CNTNAP2: variants seen among roughly 807,000 people sequenced by gnomAD.
CNTNAP2 encodes contactin-associated protein-like 2.
CNTNAP2 carries 98 observed loss-of-function variants against 155.2 expected under a neutral mutation model. The observed-to-expected ratio is 0.63, with a 90% CI of 0.54 to 0.75. CNTNAP2 has a LOEUF of 0.75. Among genes scored for constraint, CNTNAP2 ranks in the 30% least tolerant of loss-of-function variants. The pLI is 0.00. For synonymous variants in CNTNAP2, 651 were observed against 631.2 expected (o/e 1.03, Z -0.47); for missense variants, 1,727 against 1,688.1 (o/e 1.02, Z -0.40).
intron 1 of CNTNAP2, among the ~76,000 whole-genome samples, chr7:146,544,755 G>A (rs1289767751): frequency 6.6e-6 from 1 of 151,896 alleles, no homozygotes; most frequent in East Asian, 1.9e-4. Context: ...TTTGCCTGCT[G>A]AGCCGGGCTC....
intron 1 of CNTNAP2, among the ~76,000 whole-genome samples, chr7:146,183,839 T>A (rs891352952): frequency 6.6e-6 from 1 of 152,066 alleles, no homozygotes; most frequent in African/African-American, 2.4e-5. Flanking sequence ...CTCTGAAATA[T>A]CCTCCCTTTC....
intron 13 of CNTNAP2, among the ~76,000 whole-genome samples, chr7:147,832,110 T>C (rs1798556114): frequency 6.7e-6 from 1 of 148,364 alleles, no homozygotes; most frequent in African/African-American, 2.4e-5. Context: ...ATTATATAAT[T>C]TTATAATCAT....
chr7:147,506,591 G>A (rs7808124), intron 11 of CNTNAP2, among the ~76,000 whole-genome samples: 68,266 of 151,958 alleles, frequency 0.45, 16,297 homozygotes, highest in African/African-American at 0.6. Context: ...TCCAGTGGCT[G>A]CTAATCAACC....
At chr7:148,289,337 C>T (rs916961333) in intron 21 of CNTNAP2, among the ~76,000 whole-genome samples, 23 of 152,194 alleles carry the variant, frequency 1.5e-4, no homozygotes, top group African/African-American at 5.3e-4. Flanking sequence ...GAAGAGTGTG[C>T]TCTCTGCTTA....
chr7:147,796,412 A>G (rs1797896078), intron 13 of CNTNAP2, among the ~76,000 whole-genome samples: 2 of 152,110 alleles, frequency 1.3e-5, no homozygotes, highest in African/African-American at 2.4e-5. Flanking sequence ...AGACATTTCT[A>G]TTTGGCTTGG....
chr7:146,787,918 A>G (rs1802604449), intron 2 of CNTNAP2, among the ~76,000 whole-genome samples: 1 of 152,182 alleles, frequency 6.6e-6, no homozygotes, highest in Admixed American at 6.5e-5. Flanking sequence ...TGGTGCGTTC[A>G]CAGTCCTTTA....
chr7:147,592,581 C>T (rs1800758131), intron 12 of CNTNAP2, among the ~76,000 whole-genome samples: 1 of 151,810 alleles, frequency 6.6e-6, no homozygotes, highest in South Asian at 2.1e-4. Flanking sequence ...TCCCATGACC[C>T]AATTCATGTT....
chr7:146,504,275 G>A (rs1199071736), intron 1 of CNTNAP2, among the ~76,000 whole-genome samples: 2 of 152,190 alleles, frequency 1.3e-5, no homozygotes, highest in Non-Finnish European at 2.9e-5. Flanking sequence ...TTCCTGCTAT[G>A]CTGCCCATGA....
chr7:146,348,991 A>C (rs1794871829), intron 1 of CNTNAP2, among the ~76,000 whole-genome samples: 1 of 152,080 alleles, frequency 6.6e-6, no homozygotes, highest in Non-Finnish European at 1.5e-5. Flanking sequence ...CGTGTTAATA[A>C]AGCAGTTTTA....
intron 1 of CNTNAP2, among the ~76,000 whole-genome samples, chr7:146,241,329 T>G (rs1799559352): frequency 6.6e-6 from 1 of 152,206 alleles, no homozygotes; most frequent in South Asian, 2.1e-4. Flanking sequence ...TACAGACCTG[T>G]ACCCTAGTGG....
At chr7:147,019,368 A>G (rs1377676982) in intron 3 of CNTNAP2, among the ~76,000 whole-genome samples, 2 of 152,036 alleles carry the variant, frequency 1.3e-5, no homozygotes. Flanking sequence ...ATGATATACG[A>G]CATTTTTCTC....
At chr7:147,732,190 C>CA (rs1554427859) in intron 13 of CNTNAP2, among the ~76,000 whole-genome samples, 6 of 143,658 alleles carry the variant, frequency 4.2e-5, no homozygotes, top group East Asian at 2.1e-4. Context: ...CTCCCCCCCC[C>CA]ACCACCCCCA....
At chr7:147,237,525 T>G (rs549175546) in intron 8 of CNTNAP2, among the ~76,000 whole-genome samples, 3 of 152,368 alleles carry the variant, frequency 2.0e-5, no homozygotes, top group African/African-American at 7.2e-5. Context: ...TATCTACAAC[T>G]CCATGCAGCT....
At chr7:146,857,935 A>T (rs1474626845) in intron 3 of CNTNAP2, among the ~76,000 whole-genome samples, 2 of 151,082 alleles carry the variant, frequency 1.3e-5, no homozygotes, top group African/African-American at 2.4e-5. Context: ...AAAGTCAATA[A>T]AACTGTGAAT....
intron 1 of CNTNAP2, among the ~76,000 whole-genome samples, chr7:146,725,252 C>A (rs578229997): frequency 2.4e-4 from 36 of 152,290 alleles, no homozygotes; most frequent in African/African-American, 8.4e-4. Context: ...ATTTCATCTA[C>A]AAAGACCCTA....
chr7:147,769,121 G>A (rs1254609085), intron 13 of CNTNAP2, among the ~76,000 whole-genome samples: 1 of 152,128 alleles, frequency 6.6e-6, no homozygotes, highest in African/African-American at 2.4e-5. Context: ...ATTAGCACAT[G>A]TGGTGAAAGA....
At chr7:146,932,170 C>A (rs999859853) in intron 3 of CNTNAP2, among the ~76,000 whole-genome samples, 3 of 152,150 alleles carry the variant, frequency 2.0e-5, no homozygotes, top group African/African-American at 7.2e-5. Context: ...TTGATGAACA[C>A]TGATGCAAAA....
At chr7:147,758,651 C>T (rs1329560112) in intron 13 of CNTNAP2, among the ~76,000 whole-genome samples, 5 of 152,094 alleles carry the variant, frequency 3.3e-5, no homozygotes, top group East Asian at 1.9e-4. Context: ...CTAGACCAGC[C>T]TGGGCAACAT....
At chr7:148,328,382 G>T (rs1797927458) in intron 21 of CNTNAP2, among the ~76,000 whole-genome samples, 1 of 152,120 alleles carries the variant, frequency 6.6e-6, no homozygotes, top group Admixed American at 6.5e-5. Flanking sequence ...ACAAAATTAG[G>T]GAATCTGGTA....
Sources: gnomAD v4.1 joint callset for allele counts (sites outside exome capture counted in the v4.1 genomes callset) on GRCh38, gnomAD v4.1.1 for gene constraint, MANE v1.5 for transcripts, NCBI Gene and HGNC (gene_info 2026-07-23, HGNC 2026-07-21) for gene names.